The following MOCS1 variants were observed in gnomAD, a reference collection of about 807,000 sequenced individuals.
MOCS1 encodes the protein molybdenum cofactor biosynthesis protein 1.
MOCS1 carries 39 observed loss-of-function variants against 57.6 expected under a neutral mutation model. The ratio of observed to expected loss-of-function variants is 0.68; its 90% confidence interval spans 0.52 to 0.88. The LOEUF is 0.88. Ranked by LOEUF, MOCS1 falls within the 40% of genes least tolerant of loss-of-function variation. MOCS1 has a pLI of 0.00. For synonymous variants in MOCS1, 334 were observed against 335.7 expected (o/e 1.00, Z 0.05); for missense variants, 795 against 831.1 (o/e 0.96, Z 0.53).
intron 3 of MOCS1, among the ~76,000 whole-genome samples, chr6:39,917,749 T>TA (rs1767743175): frequency 6.6e-6 from 1 of 152,226 alleles, no homozygotes; most frequent in African/African-American, 2.4e-5. Flanking sequence ...GGAATATCCT[T>TA]ATTGGGATAA....
At position 39,906,721 on chromosome 6, in the gene MOCS1, G is replaced by A. The variant is rs148846409; in HGVS notation, c.1547C>T (p.Pro516Leu). 8.3e-5 allele frequency: 134 copies of A among 1,614,034 alleles called. No homozygotes were observed. Among genetic ancestry groups the A allele is most frequent in the Admixed American group, 1.7e-4 (10 of 60,016 alleles). ...CTGCTGGACAAGCTTGAAGGCTACC[G>A]GTCCCAGGAGGACCACGGCTGAAGC... is the stretch of plus-strand genomic sequence containing the variant. Reference protein sequence around the residue: ...AVASAVVLLGPVAFKLVQQNQ... With the variant: ...AVASAVVLLGLVAFKLVQQNQ... Residue 516 changes from proline (P) to leucine (L), a missense_variant, in exon 11 of 11, where the codon CCG becomes CTG. Transcript: ENST00000340692.
rs1040674640 is a variant in MOCS1, at chr6:39,905,192, G to A, written c.*1165C>T. Reference sequence around the variant, plus strand: ...AGCAGGCCAGAACTGTGTGTGTTTGGGATGTGAGAACCAGGAGCCTCTAAT... The same window carrying A: ...AGCAGGCCAGAACTGTGTGTGTTTGAGATGTGAGAACCAGGAGCCTCTAAT... On this transcript the variant is annotated 3_prime_UTR_variant, in exon 11 of 11. Coordinates refer to ENST00000340692, the MANE Select transcript of MOCS1 (RefSeq NM_001358530.2). 9 of 454,108 alleles carry A rather than the reference G, an allele frequency of 2.0e-5. No individual in the cohort carries two copies. The highest frequency in any genetic ancestry group is 4.0e-5 in the Non-Finnish European group (9 of 226,900). 28.1% of individuals were successfully genotyped at this position (454,108 alleles called of 1,614,324 possible). A position where few individuals can be genotyped will look rare whatever the true frequency, so the allele number is the denominator to read the frequency against.
chr6:39,913,883 TCCCCCACA>T (rs1767501942), intron 4 of MOCS1, 48 bp from the exon 5 acceptor site: 2 of 1,577,650 alleles, frequency 1.3e-6, no homozygotes, highest in Non-Finnish European at 1.7e-6. Flanking sequence ...TCTCTCCTCT[TCCCCCACA>T]CCCCCACAGA....
At chr6:39,919,967 T>G (rs1767875178) in intron 3 of MOCS1, among the ~76,000 whole-genome samples, 2 of 152,074 alleles carry the variant, frequency 1.3e-5, no homozygotes, top group South Asian at 4.1e-4. Context: ...GCTGATAAAT[T>G]CAAGAACTGC....
chr6:39,920,677 T>A (rs972093593), intron 3 of MOCS1, among the ~76,000 whole-genome samples: 1 of 152,128 alleles, frequency 6.6e-6, no homozygotes, highest in Non-Finnish European at 1.5e-5. Context: ...TATATCTACT[T>A]TTTAAAAAGC....
rs772053831 is a variant in MOCS1 at position 39,909,791 on chromosome 6, G to GGCC, written c.1102+41_1102+43dup. 3.2e-5 allele frequency: 52 copies of GGCC among 1,608,130 alleles called. 1 individual carries two copies. The South Asian group carries it at 5.6e-4, about 17-fold the overall frequency. ...CTCCACACCTCCCTCCCAGGGACAAGGCCCACTCACCATCCAGGCCAGCCC... is the reference window on the plus strand; with the variant it reads ...CTCCACACCTCCCTCCCAGGGACAAGGCCGCCCACTCACCATCCAGGCCAGCCC... On this transcript the variant is annotated intron_variant, in intron 9 of 10. Transcript: ENST00000340692.
intron 8 of MOCS1, among the ~76,000 whole-genome samples, chr6:39,910,188 A>G (rs751760969): frequency 5.9e-5 from 9 of 152,214 alleles, no homozygotes; most frequent in Admixed American, 1.3e-4. Flanking sequence ...TTACAGTCAT[A>G]CTTCCCTCAG....
intron 1 of MOCS1, among the ~76,000 whole-genome samples, chr6:39,930,655 A>G (rs1443010082): frequency 6.6e-6 from 1 of 152,186 alleles, no homozygotes; most frequent in Admixed American, 6.5e-5. Context: ...AGTTTCAAGA[A>G]GGAGCTAGAA....
At chr6:39,918,688 G>A (rs553637938) in intron 3 of MOCS1, among the ~76,000 whole-genome samples, 7 of 151,872 alleles carry the variant, frequency 4.6e-5, no homozygotes, top group Non-Finnish European at 8.8e-5. Flanking sequence ...ACTATATTAC[G>A]TAGAGAGAAC....
chr6:39,931,942 G>A (rs960539800), intron 1 of MOCS1, among the ~76,000 whole-genome samples: 6 of 152,134 alleles, frequency 3.9e-5, no homozygotes, highest in South Asian at 2.1e-4. Context: ...CCCAGATGCA[G>A]GCTGGCAGGT....
At chr6:39,908,419 G>A (rs1043296856) in intron 10 of MOCS1, among the ~76,000 whole-genome samples, 4 of 152,084 alleles carry the variant, frequency 2.6e-5, no homozygotes, top group Non-Finnish European at 5.9e-5. Context: ...AGCCCCCAGG[G>A]GTAGGAGACC....
chr6:39,911,292 T>A (rs576509058), intron 8 of MOCS1, among the ~76,000 whole-genome samples: 2 of 152,146 alleles, frequency 1.3e-5, no homozygotes, highest in Admixed American at 6.5e-5. Context: ...ACTGCATGCA[T>A]CTAAACCCAA....
chr6:39,917,031 C>T (rs1224430665), intron 3 of MOCS1, among the ~76,000 whole-genome samples: 2 of 152,110 alleles, frequency 1.3e-5, no homozygotes, highest in East Asian at 1.9e-4. Context: ...CCTGTCGGCA[C>T]GGGAAGGCAG....
chr6:39,928,029 T>C lies in MOCS1; in HGVS notation c.124-574A>G, dbSNP rs76510041. On this transcript the variant is annotated intron_variant, in intron 1 of 10. Coordinates refer to ENST00000340692, the MANE Select transcript of MOCS1 (RefSeq NM_001358530.2). Reference sequence around the variant, plus strand: ...CCAAGGAAGTAGCATTTACCAAGCATCTTAAAGTTTCCAAAGAACGTTCTG... The same window carrying C: ...CCAAGGAAGTAGCATTTACCAAGCACCTTAAAGTTTCCAAAGAACGTTCTG... Among the ~76,000 whole-genome samples, 531 of 152,178 alleles carry C rather than the reference T, an allele frequency of 3.5e-3. 3 individuals carry two copies. Among genetic ancestry groups the C allele is most frequent in the African/African-American group, 0.012 (511 of 41,512 alleles).
At position 39,925,702 on chromosome 6, in the gene MOCS1, G is replaced by A. The variant is rs377167949; in HGVS notation, c.394C>T (p.Arg132Trp). 226 of 1,612,782 alleles carry A rather than the reference G, an allele frequency of 1.4e-4. 2 individuals are homozygous for A. In the East Asian group the frequency reaches 1.4e-3, roughly 10 times the overall value. Reference protein sequence around the residue: ...IRLTGGEPLIRPDVVDIVAQL... With the variant: ...IRLTGGEPLIWPDVVDIVAQL... Reference sequence around the variant, plus strand: ...CCCACAATGTCCACCACGTCCGGCCGGATAAGCGGCTCTCCACCTGTGAGC... The same window carrying A: ...CCCACAATGTCCACCACGTCCGGCCAGATAAGCGGCTCTCCACCTGTGAGC... Residue 132 changes from arginine to tryptophan, a missense_variant, in exon 3 of 11, where the codon CGG becomes TGG. By Grantham distance (101) the Arg-to-Trp change is moderately radical. Transcript: ENST00000340692.
At position 39,905,601 on chromosome 6, in the gene MOCS1, T is replaced by G. The variant is rs745583636; in HGVS notation, c.*756A>C. 21 of 471,014 alleles carry G rather than the reference T, an allele frequency of 4.5e-5. No homozygotes were observed. The highest frequency in any genetic ancestry group is 4.6e-5 in the South Asian group (3 of 64,560). 29.2% of individuals were successfully genotyped at this position (471,014 alleles called of 1,614,324 possible). A position where few individuals can be genotyped will look rare whatever the true frequency, so the allele number is the denominator to read the frequency against. On this transcript the variant is annotated 3_prime_UTR_variant, in exon 11 of 11. Transcript: ENST00000340692. ...ATCATCAACTTTTCTTTCCCTGATA[T>G]GCTCCAGAATAAAGAGGGGTGGGTG...
At position 39,906,859 on chromosome 6, in the gene MOCS1, G is replaced by C; in HGVS notation, c.1409C>G (p.Ala470Gly). Residue 470 changes from alanine (A) to glycine (G), a missense_variant, in exon 11 of 11, where the codon GCT becomes GGT. Ala to Gly is a moderately conservative substitution (Grantham distance 60, BLOSUM62 0). Coordinates refer to ENST00000340692, the MANE Select transcript of MOCS1 (RefSeq NM_001358530.2). The stretch of plus-strand genomic sequence containing the variant: ...GGTTAGCTGGGGTCCTGAGGGGGCA[G>C]CAGAAGCCCAGGAACCTGGGCTAAG... ...KCLSPGSWAS[A>G]APSGPQLTSE... The C allele has an allele frequency of 6.2e-7, 1 of 1,614,204 alleles. No homozygotes were observed. Among genetic ancestry groups the C allele is most frequent in the Non-Finnish European group, 8.5e-7 (1 of 1,180,044 alleles).
chr6:39,915,260 C>G (rs1767589172), intron 4 of MOCS1, among the ~76,000 whole-genome samples: 1 of 151,726 alleles, frequency 6.6e-6, no homozygotes, highest in Non-Finnish European at 1.5e-5. Flanking sequence ...TTCCTCAGCA[C>G]ATGGAGGGTA....
rs146075796 is a variant in MOCS1 at position 39,909,834 on chromosome 6, C to T, written c.1102+1G>A. On this transcript the variant is annotated splice_donor_variant, in intron 9 of 10. Coordinates refer to ENST00000340692, the MANE Select transcript of MOCS1 (RefSeq NM_001358530.2). LOFTEE classifies it high-confidence loss of function. ...GCCAGCCCTCCCCACCCTGCACTTA[C>T]CTGCATGCTGCCGCTTCTTCCTGCC... 5.0e-6 allele frequency: 8 copies of T among 1,612,922 alleles called. No homozygotes were observed. The highest frequency in any genetic ancestry group is 3.3e-5 in the Admixed American group (2 of 60,000).
Sources: allele counts gnomAD v4.1 joint callset (sites outside exome capture counted in the v4.1 genomes callset), GRCh38; gene constraint gnomAD v4.1.1; transcripts MANE v1.5; gene names NCBI Gene and HGNC (gene_info 2026-07-23, HGNC 2026-07-21).